Variants in CREBRF observed in about 807,000 individuals in gnomAD.
The protein encoded by CREBRF is CREB3 regulatory factor.
Under a neutral mutation model 66.1 loss-of-function variants are expected in CREBRF, and 5 were observed. The observed-to-expected ratio is 0.08, with a 90% CI of 0.04 to 0.16. The LOEUF is 0.16. Ranked by LOEUF, CREBRF falls within the 10% of genes least tolerant of loss-of-function variation. The pLI, the probability that CREBRF is intolerant of heterozygous loss-of-function variation, is 1.00. For missense variants in CREBRF, 531 were observed against 744.9 expected (o/e 0.71, Z 3.34); for synonymous variants, 229 against 264.4 (o/e 0.87, Z 1.30).
At position 173,118,164 on chromosome 5, in the gene CREBRF, G is replaced by C. The variant is rs113010778; in HGVS notation, c.1682-4916G>C. On this transcript the variant is annotated intron_variant, in intron 7 of 8. Coordinates refer to ENST00000296953, the MANE Select transcript of CREBRF (RefSeq NM_153607.3). ...GCTGGGATTACAGGCGTGAGCCACGGTGCCTGGCCTGATTTTTGTAATTTT... is the reference window on the plus strand; with the variant it reads ...GCTGGGATTACAGGCGTGAGCCACGCTGCCTGGCCTGATTTTTGTAATTTT... Among the ~76,000 whole-genome samples, 524 of 151,764 alleles carry C rather than the reference G, an allele frequency of 3.5e-3. 2 individuals are homozygous for C. The highest frequency in any genetic ancestry group is 0.012 in the African/African-American group (486 of 41,400).
chr5:173,126,420 C>A (rs1759276364), intron 8 of CREBRF, among the ~76,000 whole-genome samples: 1 of 152,186 alleles, frequency 6.6e-6, no homozygotes, highest in Non-Finnish European at 1.5e-5. Flanking sequence ...GGATTACAGG[C>A]CTGAGCCACT....
Position 173,091,364 on chromosome 5 carries a change from C to T in CREBRF, c.1185C>T (p.Asp395=), listed in dbSNP as rs1181078433. The part of the protein sequence containing the change: ...EEEEEEDYED[D]KDDDISDTFS... ...AAGAGGAAGAGGATTATGAAGATGACAAGGATGATGATATTAGTGATACTT... is the reference window on the plus strand; with the variant it reads ...AAGAGGAAGAGGATTATGAAGATGATAAGGATGATGATATTAGTGATACTT... Residue 395 remains aspartate (D), a synonymous_variant, in exon 4 of 9, where the codon GAC becomes GAT. Transcript: ENST00000296953. The T allele has an allele frequency of 1.2e-6, 2 of 1,613,620 alleles. No individual in the cohort carries two copies. The highest frequency in any genetic ancestry group is 1.7e-6 in the Non-Finnish European group (2 of 1,179,820).
chr5:173,093,067 G>A (rs1052569007), intron 4 of CREBRF, among the ~76,000 whole-genome samples: 1 of 152,154 alleles, frequency 6.6e-6, no homozygotes, highest in Non-Finnish European at 1.5e-5. Flanking sequence ...CTTCATAAGT[G>A]GTCCTTAAAG....
At chr5:173,076,915 A>G (rs1314454767) in intron 1 of CREBRF, among the ~76,000 whole-genome samples, 2 of 151,992 alleles carry the variant, frequency 1.3e-5, no homozygotes, top group African/African-American at 4.8e-5. Context: ...AGACCATAGT[A>G]TATTAACTAC....
chr5:173,110,987 AAGTC>A (rs1457371910), intron 6 of CREBRF, among the ~76,000 whole-genome samples: 12 of 152,134 alleles, frequency 7.9e-5, no homozygotes, highest in Admixed American at 7.9e-4. Flanking sequence ...CTTTTTTAGT[AAGTC>A]AGAGTTATTG....
At chr5:173,060,523 G>GC (rs1244091656) in intron 1 of CREBRF, 1 of 152,066 alleles carries the variant, frequency 6.6e-6, no homozygotes, top group African/African-American at 2.4e-5. Flanking sequence ...GAGCCACCGT[G>GC]CCCCCTCTAG....
chr5:173,117,104 C>T (rs73331198), intron 7 of CREBRF, among the ~76,000 whole-genome samples: 19,960 of 152,074 alleles, frequency 0.13, 2,211 homozygotes, highest in African/African-American at 0.29. Context: ...CTGGGCCGGT[C>T]GCAGTGGCTC....
chr5:173,124,650 A>G (rs1759221254), intron 8 of CREBRF: 1 of 151,538 alleles, frequency 6.6e-6, no homozygotes, highest in Non-Finnish European at 1.5e-5. Flanking sequence ...CTTAGGTGCC[A>G]AAAGGATTTT....
At chr5:173,078,243 T>C (rs1757829161) in intron 1 of CREBRF, among the ~76,000 whole-genome samples, 1 of 152,202 alleles carries the variant, frequency 6.6e-6, no homozygotes, top group Non-Finnish European at 1.5e-5. Flanking sequence ...TGGATAATAC[T>C]CATCTTAATT....
intron 7 of CREBRF, among the ~76,000 whole-genome samples, chr5:173,118,050 AT>A (rs1759048707): frequency 6.6e-6 from 1 of 152,032 alleles, no homozygotes; most frequent in South Asian, 2.1e-4. Flanking sequence ...ATTTTTTTGT[AT>A]TTTTAGTAGA....
At chr5:173,070,555 C>T (rs1751614861) in intron 1 of CREBRF, among the ~76,000 whole-genome samples, 1 of 151,950 alleles carries the variant, frequency 6.6e-6, no homozygotes, top group South Asian at 2.1e-4. Context: ...CGGTCCAGTG[C>T]CTGAATTCAG....
At chr5:173,080,123 GCTGA>G (rs1341705126) in intron 1 of CREBRF, among the ~76,000 whole-genome samples, 4 of 152,078 alleles carry the variant, frequency 2.6e-5, no homozygotes, top group African/African-American at 7.2e-5. Context: ...AAGTTCCATT[GCTGA>G]CTATTATGTA....
intron 7 of CREBRF, among the ~76,000 whole-genome samples, chr5:173,115,108 C>CTTTT (rs751890606): frequency 7.1e-6 from 1 of 140,310 alleles, no homozygotes; most frequent in Non-Finnish European, 1.6e-5. Flanking sequence ...TTTTCTTTTT[C>CTTTT]TTTTTTTTTT....
chr5:173,131,048 C>T (rs1759412660), intron 8 of CREBRF, among the ~76,000 whole-genome samples: 1 of 152,198 alleles, frequency 6.6e-6, no homozygotes, highest in South Asian at 2.1e-4. Flanking sequence ...CGGGTTCTTG[C>T]TGTGTTGCCC....
chr5:173,092,808 A>AT (rs1758383598), intron 4 of CREBRF, among the ~76,000 whole-genome samples: 1 of 152,146 alleles, frequency 6.6e-6, no homozygotes, highest in African/African-American at 2.4e-5. Context: ...TGACACAAAC[A>AT]TTTTTTGATT....
intron 4 of CREBRF, among the ~76,000 whole-genome samples, chr5:173,095,262 C>G (rs1758451126): frequency 7.1e-6 from 1 of 140,464 alleles, no homozygotes; most frequent in African/African-American, 2.7e-5. Flanking sequence ...GATCTTGGCT[C>G]ACTGCAAGCT....
rs1581655505 is a variant in CREBRF at position 173,064,210 on chromosome 5, T to C, written c.-192+7731T>C. On this transcript the variant is annotated intron_variant, in intron 1 of 8. Coordinates refer to ENST00000296953, the MANE Select transcript of CREBRF (RefSeq NM_153607.3). Reference sequence around the variant, plus strand: ...CTGATGGAATTGCTGCCTTTTCTATTATAGGTTAGTCATTTACTGAGAAAT... The same window carrying C: ...CTGATGGAATTGCTGCCTTTTCTATCATAGGTTAGTCATTTACTGAGAAAT... Among the ~76,000 whole-genome samples, 6 of 152,278 alleles carry C rather than the reference T, an allele frequency of 3.9e-5. No individual in the cohort carries two copies. In the South Asian group the frequency reaches 1.0e-3, roughly 26 times the overall value.
chr5:173,123,070 T>C lies in CREBRF; in HGVS notation c.1682-10T>C, dbSNP rs183548273. 117 of 1,574,348 alleles carry C rather than the reference T, an allele frequency of 7.4e-5. No individual in the cohort carries two copies. In the African/African-American group the frequency reaches 1.4e-3, roughly 19 times the overall value. ...GTGACATATTCCAAGTGTTTTGTTCTGTCTTACAGATAATTTATTGTTTGT... is the reference window on the plus strand; with the variant it reads ...GTGACATATTCCAAGTGTTTTGTTCCGTCTTACAGATAATTTATTGTTTGT... On this transcript the variant is annotated splice_polypyrimidine_tract_variant and intron_variant, in intron 7 of 8. Coordinates refer to ENST00000296953, the MANE Select transcript of CREBRF (RefSeq NM_153607.3).
intron 7 of CREBRF, among the ~76,000 whole-genome samples, chr5:173,116,891 G>A (rs1759002692): frequency 6.6e-6 from 1 of 150,762 alleles, no homozygotes; most frequent in African/African-American, 2.4e-5. Flanking sequence ...CCAACATATG[G>A]CAAGGCCTAT....
Sources: allele counts gnomAD v4.1 joint callset (sites outside exome capture counted in the v4.1 genomes callset), GRCh38; gene constraint gnomAD v4.1.1; transcripts MANE v1.5; gene names NCBI Gene and HGNC (gene_info 2026-07-23, HGNC 2026-07-21).